SLC15A2: variants seen among roughly 807,000 people sequenced by gnomAD.
The protein encoded by SLC15A2 is solute carrier family 15 member 2.
In SLC15A2, 77 loss-of-function variants were observed where a neutral mutation model predicts 95.5. That is an observed-to-expected ratio of 0.81 (90% CI 0.67 to 0.97). The LOEUF (loss-of-function observed/expected upper bound fraction) is 0.97, where lower values mean the gene tolerates loss of function less well. Among genes scored for constraint, SLC15A2 ranks in the 50% least tolerant of loss-of-function variants. The pLI, the probability that SLC15A2 is intolerant of heterozygous loss-of-function variation, is 0.00. For missense variants in SLC15A2, 893 were observed against 874.4 expected (o/e 1.02, Z -0.27); for synonymous variants, 306 against 306.9 (o/e 1.00, Z 0.03).
In SLC15A2 at chr3:121,929,284, T is replaced by C. The variant is rs758480525; in HGVS notation, c.1507-18T>C. On this transcript the variant is annotated intron_variant, in intron 16 of 21. Transcript: ENST00000489711. ...TATTTCATCAGCTGTTACTGATTTT[T>C]ACTTTCCTCTGTTGTAGGTAAAGGA... The C allele has an allele frequency of 6.2e-7, 1 of 1,613,590 alleles. No individual in the cohort carries two copies. Among genetic ancestry groups the C allele is most frequent in the African/African-American group, 1.3e-5 (1 of 75,020 alleles).
intron 11 of SLC15A2, among the ~76,000 whole-genome samples, chr3:121,923,918 G>A (rs150284821): frequency 3.2e-4 from 49 of 152,246 alleles, no homozygotes; most frequent in African/African-American, 8.9e-4. Flanking sequence ...TCCTCTGGCT[G>A]TCTCTTATTT....
At chr3:121,902,077 A>T (rs1305274009) in intron 3 of SLC15A2, among the ~76,000 whole-genome samples, 8 of 152,230 alleles carry the variant, frequency 5.3e-5, no homozygotes, top group Admixed American at 5.2e-4. Context: ...GGAACTCCCT[A>T]TGCCAGGAAA....
intron 7 of SLC15A2, among the ~76,000 whole-genome samples, chr3:121,918,577 G>C (rs918371345): frequency 1.3e-5 from 2 of 151,934 alleles, no homozygotes; most frequent in African/African-American, 4.8e-5. Flanking sequence ...AAAAAAAGTG[G>C]GGTGGGGGGA....
intron 5 of SLC15A2, among the ~76,000 whole-genome samples, chr3:121,914,594 A>G (rs1371641390): frequency 6.6e-6 from 1 of 152,184 alleles, no homozygotes; most frequent in South Asian, 2.1e-4. Context: ...TTATTTAACT[A>G]AATCAGGCAT....
intron 11 of SLC15A2, 66 bp downstream of exon 11, chr3:121,923,332 A>G: frequency 1.3e-6 from 2 of 1,513,332 alleles, no homozygotes; most frequent in Non-Finnish European, 9.1e-7. Flanking sequence ...GGGAAAAATT[A>G]ATTTCTTTGT....
In SLC15A2 at chr3:121,942,809, G is replaced by T. The variant is rs1187048808; in HGVS notation, c.*1802G>T. The T allele has an allele frequency of 2.6e-5, 4 of 152,204 alleles. No homozygotes were observed. The highest frequency in any genetic ancestry group is 5.9e-5 in the Non-Finnish European group (4 of 68,048). The allele number at this position is 152,204 out of a possible 1,614,324, so 9.4% of individuals were successfully genotyped here. On this transcript the variant is annotated 3_prime_UTR_variant, in exon 22 of 22. Transcript: ENST00000489711. ...AACATTTGCATATTAAAGACTCTGA[G>T]ATATCCTGCAGTAAAGACACAAGAT...
intron 19 of SLC15A2, among the ~76,000 whole-genome samples, chr3:121,939,030 G>A (rs558282079): frequency 6.6e-6 from 1 of 152,302 alleles, no homozygotes; most frequent in African/African-American, 2.4e-5. Context: ...TAATTCAGAT[G>A]CCATTTTATG....
chr3:121,925,640 G>T (rs1398755340), intron 13 of SLC15A2, among the ~76,000 whole-genome samples: 1 of 144,818 alleles, frequency 6.9e-6, no homozygotes, highest in Non-Finnish European at 1.5e-5. Context: ...GGGAAGTTTA[G>T]GACCAAGTGT....
intron 12 of SLC15A2, among the ~76,000 whole-genome samples, chr3:121,924,674 A>G (rs1710077676): frequency 6.6e-6 from 1 of 152,224 alleles, no homozygotes; most frequent in Non-Finnish European, 1.5e-5. Flanking sequence ...TGAGCAATGA[A>G]GTCATGAGAG....
Position 121,913,052 on chromosome 3 carries a change from G to C in SLC15A2, c.460G>C (p.Ala154Pro). Residue 154 changes from alanine to proline, a missense_variant, in exon 5 of 22, where the codon GCT becomes CCT. Transcript: ENST00000489711. Reference sequence around the variant, plus strand: ...ATCATTGATCGGCCTGAGTCTAATAGCTTTGGGGACAGGAGGCATCAAACC... The same window carrying C: ...ATCATTGATCGGCCTGAGTCTAATACCTTTGGGGACAGGAGGCATCAAACC... ...VLSLIGLSLI[A>P]LGTGGIKPCV... The C allele has an allele frequency of 6.2e-7, 1 of 1,613,720 alleles. No individual in the cohort carries two copies. Among genetic ancestry groups the C allele is most frequent in the Non-Finnish European group, 8.5e-7 (1 of 1,179,716 alleles).
intron 11 of SLC15A2, among the ~76,000 whole-genome samples, chr3:121,923,512 G>T (rs1710050331): frequency 1.3e-5 from 2 of 152,168 alleles, no homozygotes; most frequent in Non-Finnish European, 2.9e-5. Flanking sequence ...AGTATTGAGA[G>T]GCTAGCAAAT....
chr3:121,923,661 A>G (rs1710053152), intron 11 of SLC15A2, among the ~76,000 whole-genome samples: 1 of 152,228 alleles, frequency 6.6e-6, no homozygotes, highest in Non-Finnish European at 1.5e-5. Flanking sequence ...CCTGTGGGAA[A>G]TGGAATATTT....
rs895402495 is a variant in SLC15A2 at position 121,943,155 on chromosome 3, A to G, written c.*2148A>G. The G allele has an allele frequency of 6.6e-6, 1 of 152,212 alleles. No individual in the cohort carries two copies. The highest frequency in any genetic ancestry group is 2.4e-5 in the African/African-American group (1 of 41,358). The allele number at this position is 152,212 out of a possible 1,614,324, so 9.4% of individuals were successfully genotyped here. A position where few individuals can be genotyped will look rare whatever the true frequency, so the allele number is the denominator to read the frequency against. ...ATGGCAGGTGCCTGTAATCCCAGCT[A>G]CTCGGGAGGCTGAAGCAGAAGAATT... On this transcript the variant is annotated 3_prime_UTR_variant, in exon 22 of 22. Transcript: ENST00000489711.
rs115919166 is a variant in SLC15A2, at chr3:121,928,881, A to C, written c.1342-101A>C. 1.1e-5 allele frequency: 14 copies of C among 1,265,848 alleles called. No homozygotes were observed. In the African/African-American group the frequency reaches 1.9e-4, roughly 18 times the overall value. 78.4% of individuals were successfully genotyped at this position (1,265,848 alleles called of 1,614,324 possible). Reference sequence around the variant, plus strand: ...TTAAAGAAAGGAATTACTAGGTTGAAAGTGTCTGATGAGGTCACCTACCCT... The same window carrying C: ...TTAAAGAAAGGAATTACTAGGTTGACAGTGTCTGATGAGGTCACCTACCCT... On this transcript the variant is annotated intron_variant, in intron 15 of 21. Transcript: ENST00000489711.
At chr3:121,909,137 A>G (rs1457092261) in intron 3 of SLC15A2, among the ~76,000 whole-genome samples, 1 of 151,906 alleles carries the variant, frequency 6.6e-6, no homozygotes, top group African/African-American at 2.4e-5. Flanking sequence ...ATCTCAGCTC[A>G]CTGCAACCTC....
chr3:121,928,905 C>A, intron 15 of SLC15A2, 77 bp from the exon 16 acceptor site: 1 of 1,503,520 alleles, frequency 6.7e-7, no homozygotes, highest in African/African-American at 1.4e-5. Context: ...GTCACCTACC[C>A]TGAGATGCTA....
At chr3:121,934,166 C>G (rs1293512226) in intron 19 of SLC15A2, among the ~76,000 whole-genome samples, 1 of 152,180 alleles carries the variant, frequency 6.6e-6, no homozygotes, top group Admixed American at 6.5e-5. Flanking sequence ...ATTACTGTAG[C>G]CTTGTAGTAT....
chr3:121,935,339 G>C (rs28823352), intron 19 of SLC15A2, among the ~76,000 whole-genome samples: 3 of 152,066 alleles, frequency 2.0e-5, no homozygotes, highest in East Asian at 1.9e-4. Flanking sequence ...AGAAGGAATG[G>C]TATCAGTTCC....
intron 8 of SLC15A2, 88 bp from the exon 9 acceptor site, chr3:121,922,687 T>G: frequency 1.2e-6 from 1 of 805,178 alleles, no homozygotes; most frequent in South Asian, 1.8e-5. Flanking sequence ...ACTAGAAGTA[T>G]GGTGTTTGAA....
Sources: allele counts gnomAD v4.1 joint callset (sites outside exome capture counted in the v4.1 genomes callset), GRCh38; gene constraint gnomAD v4.1.1; transcripts MANE v1.5; gene names NCBI Gene and HGNC (gene_info 2026-07-23, HGNC 2026-07-21).